PIK3C2G: variants seen among roughly 807,000 people sequenced by gnomAD.
The protein encoded by PIK3C2G is phosphatidylinositol 3-kinase C2 domain-containing subunit gamma.
Under a neutral mutation model 181.1 loss-of-function variants are expected in PIK3C2G, and 168 were observed. That is an observed-to-expected ratio of 0.93 (90% CI 0.82 to 1.05). PIK3C2G has a LOEUF of 1.05. PIK3C2G is among the 50% of genes least tolerant of loss of function. The pLI is 0.00. For synonymous variants in PIK3C2G, 573 were observed against 592.2 expected (o/e 0.97, Z 0.47); for missense variants, 1,869 against 1,732.8 (o/e 1.08, Z -1.40).
intron 15 of PIK3C2G, among the ~76,000 whole-genome samples, chr12:18,393,248 A>G (rs1476414181): frequency 2.0e-5 from 3 of 152,082 alleles, no homozygotes; most frequent in African/African-American, 7.2e-5. Context: ...TCATAAAATA[A>G]GCAACATTTT....
chr12:18,642,867 G>T (rs1949915658), intron 32 of PIK3C2G, among the ~76,000 whole-genome samples: 1 of 151,576 alleles, frequency 6.6e-6, no homozygotes, highest in African/African-American at 2.4e-5. Flanking sequence ...TATATAGAGA[G>T]AGAGAGATTC....
At chr12:18,599,791 A>T (rs1052455414) in intron 30 of PIK3C2G, among the ~76,000 whole-genome samples, 1 of 152,126 alleles carries the variant, frequency 6.6e-6, no homozygotes, top group African/African-American at 2.4e-5. Context: ...AAGAAAATTC[A>T]ATCAGAGGTC....
intron 30 of PIK3C2G, among the ~76,000 whole-genome samples, chr12:18,598,622 G>C (rs1947515626): frequency 6.7e-6 from 1 of 149,324 alleles, no homozygotes; most frequent in Non-Finnish European, 1.5e-5. Context: ...CAAAAGCAAT[G>C]GCAACAAAAG....
intron 26 of PIK3C2G, among the ~76,000 whole-genome samples, chr12:18,550,953 A>G (rs186726504): frequency 4.2e-4 from 64 of 152,082 alleles, no homozygotes; most frequent in Non-Finnish European, 6.6e-4. Flanking sequence ...TGGAGAATGT[A>G]CTCTATTTAT....
chr12:18,287,297 G>C (rs183145111), intron 3 of PIK3C2G, among the ~76,000 whole-genome samples: 1 of 151,940 alleles, frequency 6.6e-6, no homozygotes, highest in East Asian at 1.9e-4. Context: ...CTCCCTACCT[G>C]GGACAGTCTA....
chr12:18,243,063 T>C (rs1948001288), upstream of PIK3C2G, among the ~76,000 whole-genome samples: 1 of 152,128 alleles, frequency 6.6e-6, no homozygotes, highest in Non-Finnish European at 1.5e-5. Context: ...GTAATGTAAA[T>C]GTACACTGTA....
chr12:18,693,695 CG>C, the PIK3C2G span: 2 of 1,565,380 alleles, frequency 1.3e-6, no homozygotes, highest in Admixed American at 3.3e-5. Context: ...AGAAATTCAG[CG>C]AACAACGTTG....
Position 18,384,668 on chromosome 12 carries a change from T to C in PIK3C2G, c.1995+2788T>C, listed in dbSNP as rs112226964. Among the ~76,000 whole-genome samples the C allele has an allele frequency of 3.9e-4, 60 of 152,254 alleles. 1 individual carries two copies. The South Asian group carries it at 0.011, about 29-fold the overall frequency. ...TCAGATGAGGTAAATAGTTCCTTTA[T>C]CAACATAGATTTTAGCAAGTGGAAT... On this transcript the variant is annotated intron_variant, in intron 14 of 32. Transcript: ENST00000538779.
At chr12:18,611,625 T>C (rs1344663772) in intron 31 of PIK3C2G, among the ~76,000 whole-genome samples, 1 of 152,108 alleles carries the variant, frequency 6.6e-6, no homozygotes, top group Admixed American at 6.6e-5. Context: ...AAAATTCTCG[T>C]GACTGCCCCA....
chr12:18,289,763 G>A (rs1300503937), intron 3 of PIK3C2G, among the ~76,000 whole-genome samples: 1 of 152,152 alleles, frequency 6.6e-6, no homozygotes, highest in African/African-American at 2.4e-5. Flanking sequence ...CCTGATGGAG[G>A]AGATGTTTCC....
intron 18 of PIK3C2G, among the ~76,000 whole-genome samples, chr12:18,449,028 G>T (rs1343808471): frequency 6.6e-6 from 1 of 151,896 alleles, no homozygotes; most frequent in Non-Finnish European, 1.5e-5. Flanking sequence ...TGGATCATAT[G>T]GTAGTTCTAT....
chr12:18,538,432 G>C, intron 25 of PIK3C2G, 120 bp downstream of exon 25: 2 of 764,222 alleles, frequency 2.6e-6, no homozygotes, highest in Non-Finnish European at 4.1e-6. Context: ...AGAAAGGAAT[G>C]AGAAAACTAA....
At chr12:18,574,336 C>A (rs1484702786) in intron 29 of PIK3C2G, among the ~76,000 whole-genome samples, 8 of 152,096 alleles carry the variant, frequency 5.3e-5, no homozygotes, top group Non-Finnish European at 1.2e-4. Context: ...TTAATGTCAC[C>A]CATGAGAACC....
chr12:18,342,021 A>G (rs1480756065), intron 9 of PIK3C2G, among the ~76,000 whole-genome samples: 1 of 152,144 alleles, frequency 6.6e-6, no homozygotes, highest in African/African-American at 2.4e-5. Context: ...TCCAGAACTC[A>G]CATAATTTAA....
chr12:18,340,285 T>TA (rs751018359), intron 9 of PIK3C2G, among the ~76,000 whole-genome samples: 1,533 of 146,782 alleles, frequency 0.01, 7 homozygotes, highest in Middle Eastern at 0.018. Context: ...GCTGATAGGC[T>TA]AAAAAAAAAA....
intron 24 of PIK3C2G, 41 bp from the exon 25 acceptor site, chr12:18,538,115 T>C: frequency 1.9e-6 from 3 of 1,573,924 alleles, no homozygotes; most frequent in Non-Finnish European, 2.6e-6. Context: ...GACAAACCAT[T>C]TCTCTTCCTT....
chr12:18,312,173 C>T (rs1294927887), intron 5 of PIK3C2G, among the ~76,000 whole-genome samples: 3 of 152,082 alleles, frequency 2.0e-5, no homozygotes, highest in Non-Finnish European at 2.9e-5. Flanking sequence ...ACAAACACAC[C>T]CAGGAACAAT....
the PIK3C2G span, among the ~76,000 whole-genome samples, chr12:18,719,947 G>A: frequency 6.6e-6 from 1 of 151,988 alleles, no homozygotes; most frequent in Middle Eastern, 3.2e-3. Flanking sequence ...CTGGATGACT[G>A]GCACACAGGT....
At chr12:18,248,436 A>C (rs1448340962) in intron 1 of PIK3C2G, among the ~76,000 whole-genome samples, 1 of 151,894 alleles carries the variant, frequency 6.6e-6, no homozygotes, top group African/African-American at 2.4e-5. Context: ...TTAGCCGGCG[A>C]GGTGGCGGGC....
Sources: gnomAD v4.1 joint callset for allele counts (sites outside exome capture counted in the v4.1 genomes callset) on GRCh38, gnomAD v4.1.1 for gene constraint, MANE v1.5 for transcripts, NCBI Gene and HGNC (gene_info 2026-07-23, HGNC 2026-07-21) for gene names.